PIGG: variants seen among roughly 807,000 people sequenced by gnomAD.
PIGG encodes the protein GPI ethanolamine phosphate transferase 2, catalytic subunit.
PIGG carries 70 observed loss-of-function variants against 83.2 expected under a neutral mutation model. The ratio of observed to expected loss-of-function variants is 0.84; its 90% confidence interval spans 0.69 to 1.03. The LOEUF (loss-of-function observed/expected upper bound fraction) is 1.03, where lower values mean the gene tolerates loss of function less well. Among genes scored for constraint, PIGG ranks in the 50% least tolerant of loss-of-function variants. PIGG has a pLI of 0.00. For synonymous variants in PIGG, 532 were observed against 519.5 expected (o/e 1.02, Z -0.33); for missense variants, 1,257 against 1,233.6 (o/e 1.02, Z -0.28).
chr4:514,032 A>C (rs988207888), intron 5 of PIGG, among the ~76,000 whole-genome samples: 2 of 152,176 alleles, frequency 1.3e-5, no homozygotes, highest in African/African-American at 4.8e-5. Flanking sequence ...CTTTACAACA[A>C]TATCAATCCA....
intron 8 of PIGG, chr4:522,594 C>T (rs1726332136): frequency 6.1e-6 from 1 of 162,686 alleles, no homozygotes; most frequent in Non-Finnish European, 1.4e-5. Context: ...TGTTGGGCCC[C>T]CACCCCAACC....
At chr4:499,730 G>A (rs1008404432) in intron 1 of PIGG, 1 of 1,372,688 alleles carries the variant, frequency 7.3e-7, no homozygotes, top group Non-Finnish European at 9.4e-7. Flanking sequence ...CACAAAGTAA[G>A]CTGTGTCCAT....
Position 500,468 on chromosome 4 carries a change from TG to T in PIGG, c.228del (p.Arg77GlufsTer11), listed in dbSNP as rs1553875084. ...SKVVIVLIDA[L>X]RDDFVFGSKG... The stretch of plus-strand genomic sequence containing the variant: ...GTTGTTATTGTTCTGATAGATGCCT[TG>T]AGAGATGATTTTGTGTTTGGGTCAA... On this transcript the variant is annotated frameshift_variant, in exon 2 of 13. Coordinates refer to ENST00000453061, the MANE Select transcript of PIGG (RefSeq NM_001127178.3). LOFTEE classifies it high-confidence loss of function. 1.9e-6 allele frequency: 3 copies of T among 1,613,712 alleles called. No homozygotes were observed. Among genetic ancestry groups the T allele is most frequent in the Non-Finnish European group, 2.5e-6 (3 of 1,179,606 alleles).
At chr4:527,970 C>T (rs1728116590) in intron 10 of PIGG, 2 of 985,230 alleles carry the variant, frequency 2.0e-6, no homozygotes, top group Non-Finnish European at 2.4e-6. Flanking sequence ...GAGGCATGTC[C>T]ACTGAAGTGT....
rs761022630 is a variant in PIGG, at chr4:533,918, C to T, written c.2672C>T (p.Thr891Met). 34 of 1,614,124 alleles carry T rather than the reference C, an allele frequency of 2.1e-5. No homozygotes were observed. Among genetic ancestry groups the T allele is most frequent in the Admixed American group, 1.7e-4 (10 of 60,026 alleles). Residue 891 changes from threonine to methionine, a missense_variant, in exon 12 of 13, where the codon ACG becomes ATG. Physicochemically the swap from Thr to Met is moderately conservative, Grantham distance 81. Coordinates refer to ENST00000453061, the MANE Select transcript of PIGG (RefSeq NM_001127178.3). ...IPAVLLTAFGTYAGPVLWASH... is the reference protein window; with the variant it reads ...IPAVLLTAFGMYAGPVLWASH... The stretch of plus-strand genomic sequence containing the variant: ...GCCGTGCTCCTGACAGCGTTTGGGA[C>T]GTACGCAGGGCCTGTGCTGTGGGCC...
Position 512,216 on chromosome 4 carries a change from C to CT in PIGG, c.901+3267dup, listed in dbSNP as rs781786642. On this transcript the variant is annotated intron_variant, in intron 5 of 12. Transcript: ENST00000453061. ...TGAATTTTCTGTTTCAGTTATCATACTTTTTTTTTTTTTTTTTTTTTGAGA... is the reference window on the plus strand; with the variant it reads ...TGAATTTTCTGTTTCAGTTATCATACTTTTTTTTTTTTTTTTTTTTTTGAGA... Among the ~76,000 whole-genome samples, 1,068 of 114,280 alleles carry CT rather than the reference C, an allele frequency of 9.3e-3. 18 individuals are homozygous for CT. The highest frequency in any genetic ancestry group is 0.016 in the African/African-American group (415 of 25,654). 75.0% of individuals were successfully genotyped at this position (114,280 alleles called of 152,430 possible). A position where few individuals can be genotyped will look rare whatever the true frequency, so the allele number is the denominator to read the frequency against.
Position 507,544 on chromosome 4 carries a change from G to C in PIGG, c.710G>C (p.Ser237Thr). ...PNSPLIGQKLSEMDSVLMKIH... is the reference protein window; with the variant it reads ...PNSPLIGQKLTEMDSVLMKIH... ...AGCCCCCTGATTGGGCAGAAGCTGAGCGAGATGGACAGCGTGCTGATGAAG... is the reference window on the plus strand; with the variant it reads ...AGCCCCCTGATTGGGCAGAAGCTGACCGAGATGGACAGCGTGCTGATGAAG... Residue 237 changes from serine (S) to threonine (T), a missense_variant, in exon 4 of 13, where the codon AGC becomes ACC. Physicochemically the swap from Ser to Thr is moderately conservative, Grantham distance 58 (BLOSUM62 1). Transcript: ENST00000453061. 6.2e-7 allele frequency: 1 copy of C among 1,613,984 alleles called. No homozygotes were observed. Among genetic ancestry groups the C allele is most frequent in the Non-Finnish European group, 8.5e-7 (1 of 1,179,984 alleles).
Position 528,746 on chromosome 4 carries a change from C to T in PIGG, c.2261+1516C>T. The T allele has an allele frequency of 2.0e-6, 2 of 984,758 alleles. No homozygotes were observed. Among genetic ancestry groups the T allele is most frequent in the South Asian group, 4.7e-5 (1 of 21,272 alleles). The allele number at this position is 984,758 out of a possible 1,614,324, so 61.0% of individuals were successfully genotyped here. On this transcript the variant is annotated intron_variant, in intron 10 of 12. Coordinates refer to ENST00000453061, the MANE Select transcript of PIGG (RefSeq NM_001127178.3). The surrounding 1 kb of genome is among the most constrained non-coding windows in gnomAD (Gnocchi z 4.8). ...ATCTATACACTGAATTTCAGCATCA[C>T]TCATCTCAAGACCTTGGCCCTCTTC... is the stretch of plus-strand genomic sequence containing the variant.
intron 12 of PIGG, among the ~76,000 whole-genome samples, chr4:538,842 C>A (rs1228327789): frequency 6.6e-6 from 1 of 152,110 alleles, no homozygotes; most frequent in Non-Finnish European, 1.5e-5. Context: ...TGGCCCTCAC[C>A]CATCCTTCTG....
chr4:521,918 G>C lies in PIGG; in HGVS notation c.1591G>C (p.Val531Leu). 5.0e-6 allele frequency: 8 copies of C among 1,614,180 alleles called. No individual in the cohort carries two copies. Among genetic ancestry groups the C allele is most frequent in the Non-Finnish European group, 6.8e-6 (8 of 1,180,040 alleles). Residue 531 changes from valine to leucine, a missense_variant, in exon 8 of 13, where the codon GTG (valine) becomes CTG (leucine). Physicochemically the swap from Val to Leu is conservative, Grantham distance 32. Coordinates refer to ENST00000453061, the MANE Select transcript of PIGG (RefSeq NM_001127178.3). ...TGTGTCTGTTCTGACCAACGTGCTC[G>C]TGGGTGGAAACACCCCAAGGAAGGT... ...VIVSVLTNVL[V>L]GGNTPRKNPM...
chr4:537,687 C>T (rs1016627434), intron 12 of PIGG, among the ~76,000 whole-genome samples: 16 of 152,302 alleles, frequency 1.1e-4, no homozygotes, highest in African/African-American at 2.6e-4. Flanking sequence ...GGCCACCCAC[C>T]GGGAGATCCC....
At chr4:519,669 A>C (rs933158320) in intron 6 of PIGG, among the ~76,000 whole-genome samples, 1 of 152,196 alleles carries the variant, frequency 6.6e-6, no homozygotes, top group African/African-American at 2.4e-5. Context: ...CTTAGTGCAG[A>C]GCACCTGGTG....
At chr4:537,815 G>A (rs1046835459) in intron 12 of PIGG, among the ~76,000 whole-genome samples, 4 of 152,224 alleles carry the variant, frequency 2.6e-5, no homozygotes, top group Non-Finnish European at 5.9e-5. Context: ...GGGGGCTGAG[G>A]TGAGGCTGTG....
At chr4:523,092 C>T (rs1560340333) in intron 8 of PIGG, among the ~76,000 whole-genome samples, 2 of 152,086 alleles carry the variant, frequency 1.3e-5, no homozygotes, top group African/African-American at 2.4e-5. Flanking sequence ...CGTGGAGGGC[C>T]GGGTCCAGGA....
intron 4 of PIGG, among the ~76,000 whole-genome samples, chr4:508,501 C>T (rs1261297371): frequency 2.6e-5 from 4 of 152,188 alleles, no homozygotes; most frequent in African/African-American, 7.2e-5. Flanking sequence ...ACAGATGAGG[C>T]GACCAAGGCA....
At chr4:526,350 G>C (rs1193793246) in intron 9 of PIGG, among the ~76,000 whole-genome samples, 8 of 152,230 alleles carry the variant, frequency 5.3e-5, no homozygotes, top group African/African-American at 1.9e-4. Flanking sequence ...GAAAGAAACA[G>C]AAGGGAGCCC....
chr4:521,532 C>G, intron 7 of PIGG, 128 bp from the exon 8 acceptor site: 1 of 921,646 alleles, frequency 1.1e-6, no homozygotes. Context: ...TAGGAATCAT[C>G]TTTTCCTGAG....
Position 523,551 on chromosome 4 carries a change from C to T in PIGG, c.1707C>T (p.Ser569=). 1 of 1,614,160 alleles carries T rather than the reference C, an allele frequency of 6.2e-7. No homozygotes were observed. The highest frequency in any genetic ancestry group is 8.5e-7 in the Non-Finnish European group (1 of 1,180,006). The change falls in exon 9 of 13, where the codon AGC becomes AGT. Residue 569 remains serine, a synonymous_variant. Transcript: ENST00000453061. ...ACGTCTTGAGCCTGGGCGCCAGCAG[C>T]TTCGTGGAGGAGGAGCACCAGACCT... ...AGHVLSLGAS[S]FVEEEHQTWY...
chr4:514,599 G>T (rs1222879629), intron 5 of PIGG, among the ~76,000 whole-genome samples: 1 of 152,182 alleles, frequency 6.6e-6, no homozygotes, highest in African/African-American at 2.4e-5. Flanking sequence ...AGCTCTGAGT[G>T]GTTGGTCATT....
Sources: allele counts gnomAD v4.1 joint callset (sites outside exome capture counted in the v4.1 genomes callset), GRCh38; gene constraint gnomAD v4.1.1; non-coding constraint Gnocchi (gnomAD v3.1); transcripts MANE v1.5; gene names NCBI Gene and HGNC (gene_info 2026-07-23, HGNC 2026-07-21).